Variants in TBC1D31 observed in about 807,000 individuals in gnomAD.
The protein encoded by TBC1D31 is TBC1 domain family member 31, also known as WD repeat domain 67.
TBC1D31 carries 99 observed loss-of-function variants against 132.9 expected under a neutral mutation model. The ratio of observed to expected loss-of-function variants is 0.74; its 90% CI spans 0.63 to 0.88. The LOEUF (loss-of-function observed/expected upper bound fraction) is 0.88, where lower values mean the gene tolerates loss of function less well. Among genes scored for constraint, TBC1D31 ranks in the 40% least tolerant of loss-of-function variants. TBC1D31 has a pLI of 0.00. For synonymous variants in TBC1D31, 385 were observed against 419.4 expected, an observed-to-expected ratio of 0.92 and a Z score of 1.00; for missense variants, 1,134 against 1,256.6, an observed-to-expected ratio of 0.90 and a Z score of 1.48.
At chr8:123,082,901 T>C in intron 3 of TBC1D31, 84 bp downstream of exon 3, 1 of 913,742 alleles carries the variant, frequency 1.1e-6, no homozygotes, top group South Asian at 1.6e-5. Context: ...CTGTACAGCT[T>C]GAGGGGGCAG....
intron 10 of TBC1D31, among the ~76,000 whole-genome samples, chr8:123,116,065 A>G (rs1310113853): frequency 6.6e-6 from 1 of 152,194 alleles, no homozygotes; most frequent in Non-Finnish European, 1.5e-5. Flanking sequence ...AAAAATATTA[A>G]AAGCTATTAT....
At chr8:123,156,302 G>A (rs1004478770), downstream of TBC1D31, among the ~76,000 whole-genome samples, 5 of 152,054 alleles carry the variant, frequency 3.3e-5, no homozygotes, top group Non-Finnish European at 7.4e-5. Flanking sequence ...TTAGCCGAGT[G>A]TAGTGGTACG....
At chr8:123,153,948 ATT>A (rs1822926329), downstream of TBC1D31, among the ~76,000 whole-genome samples, 1 of 152,192 alleles carries the variant, frequency 6.6e-6, no homozygotes, top group Non-Finnish European at 1.5e-5. Flanking sequence ...TTGGAAAGTT[ATT>A]TTCCAATATG....
At chr8:123,081,731 C>G (rs561277097) in intron 2 of TBC1D31, among the ~76,000 whole-genome samples, 1 of 152,132 alleles carries the variant, frequency 6.6e-6, no homozygotes, top group East Asian at 1.9e-4. Context: ...GTACTTCTTA[C>G]GTAGTGGTGG....
intron 4 of TBC1D31, among the ~76,000 whole-genome samples, chr8:123,086,866 C>T (rs553910375): frequency 3.9e-5 from 6 of 152,232 alleles, no homozygotes; most frequent in African/African-American, 7.2e-5. Flanking sequence ...TACAGTCGTG[C>T]GCCATGACAG....
chr8:123,139,125 T>TTTG (rs966755386), intron 17 of TBC1D31, among the ~76,000 whole-genome samples: 12 of 151,904 alleles, frequency 7.9e-5, no homozygotes, highest in African/African-American at 2.9e-4. Flanking sequence ...CTTGTTTTTT[T>TTTG]TTTTTTTCAA....
At chr8:123,126,239 C>T in intron 12 of TBC1D31, 50 bp downstream of exon 12, 2 of 1,573,590 alleles carry the variant, frequency 1.3e-6, no homozygotes, top group Non-Finnish European at 1.7e-6. Flanking sequence ...TGTAAGCTAA[C>T]ATTGGTTCTG....
chr8:123,113,731 TAAA>T (rs1818658867), intron 10 of TBC1D31, among the ~76,000 whole-genome samples: 1 of 145,184 alleles, frequency 6.9e-6, no homozygotes, highest in South Asian at 2.1e-4. Flanking sequence ...CTAGTTTAGT[TAAA>T]GCTTCAAAGC....
At chr8:123,157,111 C>T (rs1823014093), downstream of TBC1D31, among the ~76,000 whole-genome samples, 1 of 152,208 alleles carries the variant, frequency 6.6e-6, no homozygotes, top group African/African-American at 2.4e-5. Flanking sequence ...ATCAGGTTCA[C>T]CTGGTCCCAG....
chr8:123,106,279 C>G (rs1363696995), intron 8 of TBC1D31, among the ~76,000 whole-genome samples: 1 of 152,214 alleles, frequency 6.6e-6, no homozygotes, highest in Admixed American at 6.5e-5. Context: ...CCATCTTGCT[C>G]TGTTCCACCT....
intron 16 of TBC1D31, 89 bp downstream of exon 16, chr8:123,130,422 T>C: frequency 7.9e-7 from 1 of 1,266,084 alleles, no homozygotes; most frequent in Non-Finnish European, 1.1e-6. Flanking sequence ...ATAATATTCT[T>C]AGAGTCCACC....
chr8:123,128,339 A>AT lies in TBC1D31; in HGVS notation c.1944dup (p.Leu649SerfsTer8). 6.2e-7 allele frequency: 1 copy of AT among 1,613,740 alleles called. No homozygotes were observed. Among genetic ancestry groups the AT allele is most frequent in the Non-Finnish European group, 8.5e-7 (1 of 1,179,746 alleles). The stretch of plus-strand genomic sequence containing the variant: ...AATGTTGTGATTAGACAAGTTTATC[A>AT]TCTCATGGAGACCACGCCTACTGAC... On this transcript the variant is annotated frameshift_variant, in exon 14 of 22. Coordinates refer to ENST00000287380, the MANE Select transcript of TBC1D31 (RefSeq NM_145647.4). LOFTEE classifies it high-confidence loss of function.
intron 19 of TBC1D31, among the ~76,000 whole-genome samples, chr8:123,143,387 A>G (rs1821892777): frequency 6.6e-6 from 1 of 152,238 alleles, no homozygotes; most frequent in Non-Finnish European, 1.5e-5. Context: ...CTAAAGAAGA[A>G]TCAAAGAATG....
At chr8:123,134,029 T>C in intron 16 of TBC1D31, 85 bp from the exon 17 acceptor site, 1 of 992,036 alleles carries the variant, frequency 1.0e-6, no homozygotes, top group South Asian at 1.7e-5. Context: ...TGTTAGTAGG[T>C]CGTTCAGATT....
At chr8:123,140,212 G>T (rs763268539) in intron 17 of TBC1D31, among the ~76,000 whole-genome samples, 1 of 152,064 alleles carries the variant, frequency 6.6e-6, no homozygotes, top group Admixed American at 6.6e-5. Context: ...ATACAAAAAA[G>T]TTAACCAGGT....
intron 1 of TBC1D31, chr8:123,073,381 G>C (rs755940488): frequency 8.8e-6 from 4 of 456,292 alleles, no homozygotes; most frequent in South Asian, 4.6e-5. Context: ...CGCTGGGGAC[G>C]GCGATGGAAC....
intron 5 of TBC1D31, among the ~76,000 whole-genome samples, chr8:123,094,168 G>A (rs975360144): frequency 1.3e-5 from 2 of 151,606 alleles, no homozygotes; most frequent in Non-Finnish European, 2.9e-5. Flanking sequence ...GGGTTCACGC[G>A]ATTCTTCTGC....
At chr8:123,139,390 T>C (rs747665655) in intron 17 of TBC1D31, among the ~76,000 whole-genome samples, 28 of 152,238 alleles carry the variant, frequency 1.8e-4, no homozygotes, top group South Asian at 4.1e-4. Flanking sequence ...TAGTGACTTT[T>C]CTGAACTAAT....
rs936725431 is a variant in TBC1D31 at position 123,118,886 on chromosome 8, G to C, written c.1437-1169G>C. On this transcript the variant is annotated intron_variant, in intron 10 of 21. Coordinates refer to ENST00000287380, the MANE Select transcript of TBC1D31 (RefSeq NM_145647.4). ...TAGTAGGCGTGTGCCACCACACCTG[G>C]CTAATTTTTAAAAATTTTTTGTAGA... is the stretch of plus-strand genomic sequence containing the variant. Among the ~76,000 whole-genome samples the C allele has an allele frequency of 2.5e-4, 38 of 152,252 alleles. 1 individual carries two copies. The highest frequency in any genetic ancestry group is 2.3e-3 in the Admixed American group (35 of 15,296).
Sources: allele counts gnomAD v4.1 joint callset (sites outside exome capture counted in the v4.1 genomes callset), GRCh38; gene constraint gnomAD v4.1.1; transcripts MANE v1.5; gene names NCBI Gene and HGNC (gene_info 2026-07-23, HGNC 2026-07-21).